The following VOPP1 variants were observed in gnomAD, a reference collection of about 807,000 sequenced individuals.
VOPP1 encodes the protein WW domain binding protein VOPP1.
In VOPP1, 8 loss-of-function variants were observed where a neutral mutation model predicts 23.5. The observed-to-expected ratio is 0.34, with a 90% confidence interval of 0.20 to 0.61. The LOEUF (loss-of-function observed/expected upper bound fraction) is 0.61, where lower values mean the gene tolerates loss of function less well. VOPP1 is among the 20% of genes least tolerant of loss of function. VOPP1 has a pLI of 0.78. For missense variants in VOPP1, 174 were observed against 238.1 expected (o/e 0.73, Z 1.77); for synonymous variants, 83 against 97.3 (o/e 0.85, Z 0.86).
chr7:55,543,883 T>C (rs565739733), intron 1 of VOPP1, among the ~76,000 whole-genome samples: 4 of 152,366 alleles, frequency 2.6e-5, no homozygotes, highest in Non-Finnish European at 5.9e-5. Context: ...TGTTGATTGT[T>C]TTCTTTGCTG....
At chr7:55,464,581 G>T (rs1223651578) in intron 4 of VOPP1, among the ~76,000 whole-genome samples, 1 of 152,198 alleles carries the variant, frequency 6.6e-6, no homozygotes, top group African/African-American at 2.4e-5. Context: ...TGCCTCCCCA[G>T]TGCACAGTAC....
chr7:55,556,508 T>A (rs1350176340), intron 1 of VOPP1, among the ~76,000 whole-genome samples: 1 of 152,126 alleles, frequency 6.6e-6, no homozygotes, highest in African/African-American at 2.4e-5. Context: ...CAACAGGAAC[T>A]CCCTCCACGA....
intron 1 of VOPP1, chr7:55,562,113 C>A: frequency 1.4e-6 from 1 of 701,544 alleles, no homozygotes; most frequent in South Asian, 1.5e-5. Flanking sequence ...CTCCCTACCT[C>A]ATTCTAATGT....
intron 4 of VOPP1, among the ~76,000 whole-genome samples, chr7:55,439,222 T>C (rs1322873457): frequency 6.6e-6 from 1 of 151,942 alleles, no homozygotes; most frequent in Non-Finnish European, 1.5e-5. Flanking sequence ...GACACAGCCC[T>C]GGGCCACAGC....
intron 1 of VOPP1, among the ~76,000 whole-genome samples, chr7:55,530,146 A>AC (rs1796418810): frequency 6.6e-6 from 1 of 152,030 alleles, no homozygotes. Context: ...GTAACTCCTT[A>AC]CCTAACTTGT....
intron 1 of VOPP1, among the ~76,000 whole-genome samples, chr7:55,565,945 G>C (rs146105945): frequency 2.0e-5 from 3 of 152,276 alleles, no homozygotes; most frequent in African/African-American, 7.2e-5. Context: ...ATTCACCCCA[G>C]CCCACTTAAC....
chr7:55,533,079 A>G (rs1018261480), intron 1 of VOPP1, among the ~76,000 whole-genome samples: 6 of 152,202 alleles, frequency 3.9e-5, no homozygotes, highest in Admixed American at 2.6e-4. Flanking sequence ...AGCTAAAACC[A>G]GGAGGACTGA....
At chr7:55,527,780 T>G (rs1052931892) in intron 1 of VOPP1, among the ~76,000 whole-genome samples, 1 of 152,014 alleles carries the variant, frequency 6.6e-6, no homozygotes. Flanking sequence ...AAAAATAAAG[T>G]GATAGATATG....
chr7:55,496,488 G>A (rs1793960982), intron 3 of VOPP1, among the ~76,000 whole-genome samples: 1 of 152,236 alleles, frequency 6.6e-6, no homozygotes, highest in Admixed American at 6.5e-5. Context: ...GCAGTGTGGG[G>A]ACCTGACACC....
chr7:55,474,442 A>G (rs1484965255), intron 4 of VOPP1, among the ~76,000 whole-genome samples: 1 of 152,214 alleles, frequency 6.6e-6, no homozygotes, highest in Non-Finnish European at 1.5e-5. Context: ...AATATTAGAG[A>G]AAAAATGGAG....
At chr7:55,513,057 G>C (rs10215855) in intron 2 of VOPP1, among the ~76,000 whole-genome samples, 33,397 of 152,198 alleles carry the variant, frequency 0.22, 4,207 homozygotes, top group African/African-American at 0.34. Context: ...CAACAACACA[G>C]GGTAATATAA....
intron 4 of VOPP1, among the ~76,000 whole-genome samples, chr7:55,464,327 T>C (rs184368514): frequency 3.5e-4 from 54 of 152,266 alleles, no homozygotes; most frequent in Admixed American, 2.2e-3. Flanking sequence ...GGCAGGTTGA[T>C]CCTCAGGTCC....
At chr7:55,558,357 CA>C (rs986007649) in intron 1 of VOPP1, among the ~76,000 whole-genome samples, 2 of 151,758 alleles carry the variant, frequency 1.3e-5, no homozygotes, top group Admixed American at 6.6e-5. Context: ...TGTTGTATGT[CA>C]AAAAAAATTA....
intron 4 of VOPP1, among the ~76,000 whole-genome samples, chr7:55,463,228 C>T (rs1252416841): frequency 1.3e-5 from 2 of 152,170 alleles, no homozygotes; most frequent in African/African-American, 4.8e-5. Flanking sequence ...TCGCACTGAA[C>T]TTGTTTAATA....
intron 2 of VOPP1, among the ~76,000 whole-genome samples, chr7:55,514,550 T>G (rs1029495873): frequency 6.6e-6 from 1 of 152,172 alleles, no homozygotes; most frequent in Non-Finnish European, 1.5e-5. Flanking sequence ...ACTGAGTGCC[T>G]TCTATGGGCC....
chr7:55,504,725 T>C (rs1328275818), intron 2 of VOPP1, among the ~76,000 whole-genome samples: 3 of 152,258 alleles, frequency 2.0e-5, no homozygotes, highest in South Asian at 2.1e-4. Flanking sequence ...TTCTTTCCAA[T>C]GTCCAAAAGG....
intron 3 of VOPP1, among the ~76,000 whole-genome samples, chr7:55,496,361 C>A (rs60075456): frequency 1.3e-5 from 2 of 152,176 alleles, no homozygotes; most frequent in Non-Finnish European, 2.9e-5. Context: ...TGGGCCCTCC[C>A]CGTCTCTGGT....
chr7:55,470,523 C>T (rs1210363936), downstream of VOPP1: 1 of 148,598 alleles, frequency 6.7e-6, no homozygotes, highest in Non-Finnish European at 1.5e-5. Context: ...CCTCACCCCA[C>T]TGAACCAAGG....
intron 1 of VOPP1, among the ~76,000 whole-genome samples, chr7:55,531,389 G>A (rs937396496): frequency 2.8e-5 from 4 of 143,776 alleles, no homozygotes; most frequent in Non-Finnish European, 6.0e-5. Flanking sequence ...TCGCTGTGTC[G>A]CCCATGCTGG....
Sources: allele counts gnomAD v4.1 joint callset (sites outside exome capture counted in the v4.1 genomes callset), GRCh38; gene constraint gnomAD v4.1.1; transcripts MANE v1.5; gene names NCBI Gene and HGNC (gene_info 2026-07-23, HGNC 2026-07-21).